SULT4A1: variants seen among roughly 807,000 people sequenced by gnomAD.
SULT4A1 encodes sulfotransferase family 4A member 1.
In SULT4A1, 11 loss-of-function variants were observed where a neutral mutation model predicts 35.2. That is an observed-to-expected ratio of 0.31 (90% CI 0.20 to 0.52). The LOEUF (loss-of-function observed/expected upper bound fraction) is 0.52, where lower values mean the gene tolerates loss of function less well. Among genes scored for constraint, SULT4A1 ranks in the 20% least tolerant of loss-of-function variants. The probability of loss-of-function intolerance (pLI) is 0.97; values close to 1 mark genes in which losing one functional copy is unlikely to be tolerated. For synonymous variants in SULT4A1, 152 were observed against 151.8 expected (o/e 1.00, Z -0.01); for missense variants, 271 against 383.7 (o/e 0.71, Z 2.45).
chr22:43,858,616 T>C (rs954394101), intron 1 of SULT4A1, among the ~76,000 whole-genome samples: 1 of 152,150 alleles, frequency 6.6e-6, no homozygotes, highest in Non-Finnish European at 1.5e-5. Flanking sequence ...GTGGAACACT[T>C]TGTTACCCTG....
chr22:43,859,667 C>A (rs1328371995), intron 1 of SULT4A1, among the ~76,000 whole-genome samples: 1 of 152,232 alleles, frequency 6.6e-6, no homozygotes, highest in Non-Finnish European at 1.5e-5. Flanking sequence ...CAGAAAGGTC[C>A]TTCTCAGAAG....
At chr22:43,840,109 G>A (rs2063412753) in intron 2 of SULT4A1, 84 bp from the exon 3 acceptor site, 1 of 1,053,594 alleles carries the variant, frequency 9.5e-7, no homozygotes. Flanking sequence ...GGGGGCCAGA[G>A]GAGGAAGGAA....
At chr22:43,848,899 GC>G (rs942760920) in intron 1 of SULT4A1, among the ~76,000 whole-genome samples, 2 of 152,258 alleles carry the variant, frequency 1.3e-5, no homozygotes, top group Non-Finnish European at 2.9e-5. Context: ...CCACCTGCTG[GC>G]CAGTGACTCG....
At chr22:43,859,326 C>T (rs535208871) in intron 1 of SULT4A1, among the ~76,000 whole-genome samples, 5 of 152,354 alleles carry the variant, frequency 3.3e-5, no homozygotes, top group African/African-American at 1.2e-4. Context: ...TCACCCACGC[C>T]CAGGCCCAGA....
intron 3 of SULT4A1, 107 bp from the exon 4 acceptor site, chr22:43,839,100 A>C: frequency 6.9e-7 from 1 of 1,441,324 alleles, no homozygotes; most frequent in Non-Finnish European, 9.5e-7. Flanking sequence ...TCACAAACCA[A>C]CACCTGCTTC....
chr22:43,831,656 G>A (rs772483790), intron 5 of SULT4A1, among the ~76,000 whole-genome samples: 4 of 152,264 alleles, frequency 2.6e-5, no homozygotes, highest in African/African-American at 9.6e-5. Context: ...TCCGCGCCAC[G>A]CAGGTGGAGG....
At chr22:43,836,701 G>T (rs1408381371) in intron 4 of SULT4A1, among the ~76,000 whole-genome samples, 1 of 145,042 alleles carries the variant, frequency 6.9e-6, no homozygotes, top group Non-Finnish European at 1.5e-5. Flanking sequence ...CAAACTGAAG[G>T]CTCCACAGGG....
At chr22:43,862,099 A>C in intron 1 of SULT4A1, 115 bp downstream of exon 1, 3 of 531,500 alleles carry the variant, frequency 5.6e-6, no homozygotes, top group Non-Finnish European at 7.3e-6. Flanking sequence ...GCAGGGGCGG[A>C]GGCCAAGGGC....
intron 6 of SULT4A1, chr22:43,827,019 G>A (rs1469933112): frequency 1.7e-5 from 17 of 985,432 alleles, no homozygotes; most frequent in Non-Finnish European, 1.9e-5. Context: ...TGCTCCCATT[G>A]TCTTTGTTAA....
chr22:43,846,663 T>C (rs895084334), intron 1 of SULT4A1, among the ~76,000 whole-genome samples: 8 of 152,350 alleles, frequency 5.3e-5, no homozygotes, highest in African/African-American at 1.9e-4. Context: ...CCCACCAACC[T>C]GAGTAGGAAG....
chr22:43,850,846 A>G (rs1045396122), intron 1 of SULT4A1, among the ~76,000 whole-genome samples: 3 of 151,612 alleles, frequency 2.0e-5, no homozygotes, highest in Non-Finnish European at 2.9e-5. Context: ...CTGTCTTCTC[A>G]CTGCCGATGG....
chr22:43,836,638 T>C (rs1012928046), intron 4 of SULT4A1, among the ~76,000 whole-genome samples: 2 of 144,396 alleles, frequency 1.4e-5, no homozygotes, highest in Non-Finnish European at 3.0e-5. Context: ...ACAGGGATCC[T>C]GTCTACACAG....
intron 1 of SULT4A1, among the ~76,000 whole-genome samples, chr22:43,858,292 G>A (rs1397934401): frequency 6.6e-6 from 1 of 152,104 alleles, no homozygotes; most frequent in Non-Finnish European, 1.5e-5. Flanking sequence ...CTACTCAGGA[G>A]GCTGTGCTCC....
chr22:43,847,647 C>T (rs924728776), intron 1 of SULT4A1, among the ~76,000 whole-genome samples: 6 of 151,802 alleles, frequency 4.0e-5, no homozygotes, highest in African/African-American at 1.2e-4. Flanking sequence ...GGCCCAAAGC[C>T]TTCAACAGGC....
chr22:43,835,911 A>G (rs534617163), intron 4 of SULT4A1, among the ~76,000 whole-genome samples: 1 of 152,318 alleles, frequency 6.6e-6, no homozygotes, highest in South Asian at 2.1e-4. Context: ...GACGGGAATG[A>G]GCTGTAGGTT....
chr22:43,862,097 G>C, intron 1 of SULT4A1, 117 bp downstream of exon 1: 5 of 675,584 alleles, frequency 7.4e-6, no homozygotes, highest in South Asian at 6.2e-5. Flanking sequence ...CGGCAGGGGC[G>C]GAGGCCAAGG....
At chr22:43,826,950 G>C (rs1284584564) in intron 6 of SULT4A1, 1 of 985,436 alleles carries the variant, frequency 1.0e-6, no homozygotes, top group Non-Finnish European at 1.2e-6. Flanking sequence ...ACCGGTCTAC[G>C]CTGGTTTATG....
At chr22:43,826,557 C>T in intron 6 of SULT4A1, 1 of 985,400 alleles carries the variant, frequency 1.0e-6, no homozygotes, top group Non-Finnish European at 1.2e-6. Flanking sequence ...TGGCCCTTCC[C>T]ACGCCATTAT....
At chr22:43,835,855 G>A (rs1259789166) in intron 4 of SULT4A1, among the ~76,000 whole-genome samples, 3 of 152,318 alleles carry the variant, frequency 2.0e-5, no homozygotes, top group Middle Eastern at 3.4e-3. Context: ...GTGGTCCTGC[G>A]CTGATGTGAG....
Sources: gnomAD v4.1 joint callset for allele counts (sites outside exome capture counted in the v4.1 genomes callset) on GRCh38, gnomAD v4.1.1 for gene constraint, MANE v1.5 for transcripts, NCBI Gene and HGNC (gene_info 2026-07-23, HGNC 2026-07-21) for gene names.